The following TRPM3 variants were observed in gnomAD, a reference collection of about 807,000 sequenced individuals.
TRPM3 encodes transient receptor potential cation channel subfamily M member 3.
TRPM3 carries 77 observed loss-of-function variants against 181.2 expected under a neutral mutation model. The ratio of observed to expected loss-of-function variants is 0.42; its 90% confidence interval spans 0.35 to 0.51. TRPM3 has a LOEUF of 0.51. TRPM3 is among the 20% of genes least tolerant of loss of function. TRPM3 has a pLI of 0.01. For missense variants in TRPM3, 1,759 were observed against 2,196.7 expected (o/e 0.80, Z 3.98); for synonymous variants, 745 against 796.4 (o/e 0.94, Z 1.09).
chr9:71,233,197 C>G (rs2081172372), intron 1 of TRPM3, among the ~76,000 whole-genome samples: 1 of 152,136 alleles, frequency 6.6e-6, no homozygotes, highest in Non-Finnish European at 1.5e-5. Context: ...AAATAATGTC[C>G]TTTTCAAATC....
At chr9:70,789,690 C>T (rs2084873564) in intron 6 of TRPM3, among the ~76,000 whole-genome samples, 1 of 152,192 alleles carries the variant, frequency 6.6e-6, no homozygotes, top group African/African-American at 2.4e-5. Context: ...CCAGCTTTTG[C>T]AATTTTGGAA....
At chr9:70,623,441 G>A (rs1047589295) in intron 14 of TRPM3, among the ~76,000 whole-genome samples, 3 of 152,048 alleles carry the variant, frequency 2.0e-5, no homozygotes, top group Non-Finnish European at 4.4e-5. Flanking sequence ...TGGGTCATGA[G>A]GGTCCCTGAA....
chr9:70,961,879 C>A (rs150519080), intron 1 of TRPM3, among the ~76,000 whole-genome samples: 1 of 152,054 alleles, frequency 6.6e-6, no homozygotes, highest in African/African-American at 2.4e-5. Flanking sequence ...AGTAGACTCT[C>A]TTTTTAACTG....
intron 1 of TRPM3, among the ~76,000 whole-genome samples, chr9:70,984,885 A>G (rs1033230933): frequency 2.6e-5 from 4 of 152,248 alleles, no homozygotes; most frequent in Non-Finnish European, 4.4e-5. Flanking sequence ...TAGAAAACTA[A>G]TATGTCATCC....
chr9:70,806,827 GT>G (rs2090806832), intron 6 of TRPM3, among the ~76,000 whole-genome samples: 1 of 152,154 alleles, frequency 6.6e-6, no homozygotes, highest in African/African-American at 2.4e-5. Flanking sequence ...TGATTCTTCA[GT>G]TTTACATCCA....
chr9:70,973,073 A>T (rs1312456968), intron 1 of TRPM3, among the ~76,000 whole-genome samples: 2 of 152,182 alleles, frequency 1.3e-5, no homozygotes, highest in African/African-American at 4.8e-5. Flanking sequence ...GAGACAAAAT[A>T]AGATTTTAAG....
In TRPM3 at chr9:70,778,354, T is replaced by G. The variant is rs185166135; in HGVS notation, c.1148+5751A>C. Among the ~76,000 whole-genome samples, 221 of 152,332 alleles carry G rather than the reference T, an allele frequency of 1.5e-3. 1 individual carries two copies. The highest frequency in any genetic ancestry group is 3.4e-3 in the Middle Eastern group (1 of 294). ...ACATGACCTTCTAGTTATCTGCACTTGTGTCTATGTTTTAGTCCTCATTAT... is the reference window on the plus strand; with the variant it reads ...ACATGACCTTCTAGTTATCTGCACTGGTGTCTATGTTTTAGTCCTCATTAT... On this transcript the variant is annotated intron_variant, in intron 7 of 25. Coordinates refer to ENST00000677713, the MANE Select transcript of TRPM3 (RefSeq NM_001366145.2).
chr9:71,088,576 A>G (rs1388101995), intron 1 of TRPM3, among the ~76,000 whole-genome samples: 2 of 152,114 alleles, frequency 1.3e-5, no homozygotes, highest in Non-Finnish European at 2.9e-5. Flanking sequence ...AAGCTAAATA[A>G]CATTACTTAA....
At chr9:70,550,796 GTA>G (rs1244555502) in intron 24 of TRPM3, among the ~76,000 whole-genome samples, 1 of 152,218 alleles carries the variant, frequency 6.6e-6, no homozygotes, top group Non-Finnish European at 1.5e-5. Flanking sequence ...GGCATGGAAA[GTA>G]TGAATGTAAA....
intron 9 of TRPM3, among the ~76,000 whole-genome samples, chr9:70,645,177 T>C (rs1018741508): frequency 1.3e-5 from 2 of 152,140 alleles, no homozygotes. Flanking sequence ...CAAGCTACCA[T>C]TGACTTTCTT....
chr9:71,184,247 A>G (rs781778685), intron 1 of TRPM3, among the ~76,000 whole-genome samples: 4 of 152,146 alleles, frequency 2.6e-5, no homozygotes, highest in Non-Finnish European at 5.9e-5. Context: ...GGATCAAAGG[A>G]TAACTAATGG....
chr9:70,647,293 C>T (rs946681134), intron 9 of TRPM3, among the ~76,000 whole-genome samples: 4 of 152,004 alleles, frequency 2.6e-5, no homozygotes, highest in African/African-American at 9.7e-5. Context: ...AAATTCTTAA[C>T]AAAATACTAG....
chr9:70,917,568 T>TTTTTTTTTTTTTTTTTTTTTTTG lies in TRPM3; in HGVS notation c.178-53058_178-53057insCAAAAAAAAAAAAAAAAAAAAAA. On this transcript the variant is annotated intron_variant, in intron 1 of 25. Coordinates refer to ENST00000677713, the MANE Select transcript of TRPM3 (RefSeq NM_001366145.2). ...CTTTACGCAAACAGTGTTAAGTTGT[T>TTTTTTTTTTTTTTTTTTTTTTTG]ATATCAACTTAAAATAATGGCTTAT... 3.2e-5 allele frequency: 19 copies of TTTTTTTTTTTTTTTTTTTTTTTG among 593,620 alleles called. 1 individual carries two copies. Among genetic ancestry groups the TTTTTTTTTTTTTTTTTTTTTTTG allele is most frequent in the Non-Finnish European group, 3.4e-5 (11 of 321,582 alleles). The allele number at this position is 593,620 out of a possible 1,614,324, so 36.8% of individuals were successfully genotyped here.
At chr9:70,816,248 T>C (rs1364619517) in intron 6 of TRPM3, among the ~76,000 whole-genome samples, 1 of 152,240 alleles carries the variant, frequency 6.6e-6, no homozygotes, top group Non-Finnish European at 1.5e-5. Context: ...TCCAATTATA[T>C]ATTTACTGGC....
intron 1 of TRPM3, among the ~76,000 whole-genome samples, chr9:71,093,098 A>C (rs1674492007): frequency 6.6e-6 from 1 of 152,230 alleles, no homozygotes; most frequent in African/African-American, 2.4e-5. Flanking sequence ...GGTGGATTAA[A>C]GACTTAAATG....
At chr9:71,124,521 C>T (rs1234896297), upstream of TRPM3, among the ~76,000 whole-genome samples, 1 of 152,106 alleles carries the variant, frequency 6.6e-6, no homozygotes, top group African/African-American at 2.4e-5. Flanking sequence ...CCAAAGCCTG[C>T]CTTTGAGCCA....
chr9:71,391,048 A>G (rs979188950), intron 1 of TRPM3, among the ~76,000 whole-genome samples: 1 of 152,024 alleles, frequency 6.6e-6, no homozygotes, highest in Non-Finnish European at 1.5e-5. Flanking sequence ...AAACGTGAGT[A>G]GATAAGAAAG....
At chr9:71,279,707 C>A (rs2084544609) in intron 1 of TRPM3, among the ~76,000 whole-genome samples, 1 of 152,132 alleles carries the variant, frequency 6.6e-6, no homozygotes, top group African/African-American at 2.4e-5. Context: ...GGAGAGGACT[C>A]AGCGTAGACA....
intron 7 of TRPM3, chr9:70,774,409 T>A (rs1378793587): frequency 6.6e-6 from 1 of 152,240 alleles, no homozygotes; most frequent in African/African-American, 2.4e-5. Context: ...ATATTATACA[T>A]GTAACATACA....
Sources: allele counts gnomAD v4.1 joint callset (sites outside exome capture counted in the v4.1 genomes callset), GRCh38; gene constraint gnomAD v4.1.1; transcripts MANE v1.5; gene names NCBI Gene and HGNC (gene_info 2026-07-23, HGNC 2026-07-21).